The following PRLR variants were observed in gnomAD, a reference collection of about 807,000 sequenced individuals.
The protein encoded by PRLR is prolactin receptor.
In PRLR, 13 loss-of-function variants were observed where a neutral mutation model predicts 40.2. The observed-to-expected ratio is 0.32, with a 90% confidence interval of 0.21 to 0.51. The LOEUF is 0.51. Among genes scored for constraint, PRLR ranks in the 20% least tolerant of loss-of-function variants. PRLR has a pLI of 0.97. For synonymous variants in PRLR, 269 were observed against 278.7 expected (o/e 0.97, Z 0.35); for missense variants, 656 against 747.3 (o/e 0.88, Z 1.42).
chr5:35,207,614 T>TTGTGTGTG (rs142502829), intron 1 of PRLR, among the ~76,000 whole-genome samples: 174 of 146,968 alleles, frequency 1.2e-3, no homozygotes, highest in South Asian at 1.8e-3. Context: ...CAATGGGAGA[T>TTGTGTGTG]TGTGTGTGTG....
At chr5:35,177,208 G>A (rs944608967) in intron 1 of PRLR, among the ~76,000 whole-genome samples, 7 of 152,016 alleles carry the variant, frequency 4.6e-5, no homozygotes, top group East Asian at 3.9e-4. Context: ...AGAGGCTGGC[G>A]GGATCCTCCA....
chr5:35,216,059 GA>G (rs1050840592), intron 1 of PRLR, among the ~76,000 whole-genome samples: 47 of 144,678 alleles, frequency 3.2e-4, no homozygotes, highest in East Asian at 2.8e-3. Context: ...AAAGGGAAAA[GA>G]AAAAAAAAAG....
intron 1 of PRLR, among the ~76,000 whole-genome samples, chr5:35,159,430 T>G (rs558130779): frequency 1.3e-5 from 2 of 151,722 alleles, no homozygotes; most frequent in South Asian, 4.2e-4. Flanking sequence ...CTGCATCTGC[T>G]TATAACCCAG....
At chr5:35,176,185 A>C (rs750175437) in intron 1 of PRLR, among the ~76,000 whole-genome samples, 3 of 152,040 alleles carry the variant, frequency 2.0e-5, no homozygotes, top group Non-Finnish European at 2.9e-5. Flanking sequence ...TGACTCATTC[A>C]TCTCTTTGTT....
intron 2 of PRLR, among the ~76,000 whole-genome samples, chr5:35,097,670 T>C (rs114115015): frequency 0.013 from 1,920 of 152,264 alleles, 43 homozygotes; most frequent in African/African-American, 0.043. Context: ...CTCTTCCTAA[T>C]AATGGCTCAC....
chr5:35,159,925 T>G (rs758977797), intron 1 of PRLR, among the ~76,000 whole-genome samples: 31 of 152,196 alleles, frequency 2.0e-4, no homozygotes, highest in Admixed American at 1.3e-3. Flanking sequence ...TAGAATGACT[T>G]TTATTAAATA....
chr5:35,139,334 C>T (rs992549327), intron 1 of PRLR, among the ~76,000 whole-genome samples: 1 of 152,092 alleles, frequency 6.6e-6, no homozygotes, highest in African/African-American at 2.4e-5. Context: ...AGGGTTTCAC[C>T]ATGTTGGCCA....
At chr5:35,230,148 C>CG (rs905150058) in intron 1 of PRLR, 120 bp downstream of exon 1, 6 of 152,182 alleles carry the variant, frequency 3.9e-5, no homozygotes, top group African/African-American at 1.4e-4. Flanking sequence ...GAGCCCGCGC[C>CG]GGTGGCCCCG....
intron 7 of PRLR, 78 bp from the exon 8 acceptor site, chr5:35,068,956 T>TGGGTTTAAGAGTTTC: frequency 1.9e-6 from 2 of 1,075,482 alleles, no homozygotes; most frequent in African/African-American, 1.6e-5. Context: ...ATGAAACTCT[T>TGGGTTTAAGAGTTTC]AAACCCAAGA....
intron 2 of PRLR, among the ~76,000 whole-genome samples, chr5:35,112,545 G>C (rs1772726572): frequency 6.6e-6 from 1 of 152,122 alleles, no homozygotes. Flanking sequence ...TTCAAAGGCA[G>C]GTGGGCTAGG....
At chr5:35,089,829 C>G (rs890820351) in intron 2 of PRLR, among the ~76,000 whole-genome samples, 166 bp from the exon 3 acceptor site, 4 of 152,082 alleles carry the variant, frequency 2.6e-5, no homozygotes, top group Non-Finnish European at 5.9e-5. Flanking sequence ...GATGGCTTGG[C>G]ACAGAAACAT....
intron 2 of PRLR, among the ~76,000 whole-genome samples, chr5:35,097,997 C>T (rs889842189): frequency 6.6e-6 from 1 of 152,146 alleles, no homozygotes; most frequent in South Asian, 2.1e-4. Flanking sequence ...TAGATAGAGG[C>T]ATTGGGGGTG....
chr5:35,152,787 C>T (rs1774378574), intron 1 of PRLR: 1 of 152,114 alleles, frequency 6.6e-6, no homozygotes, highest in Admixed American at 6.5e-5. Flanking sequence ...AGGAACTAAC[C>T]ATCCTCTGAA....
At chr5:35,075,424 G>T (rs1046765009) in intron 5 of PRLR, among the ~76,000 whole-genome samples, 8 of 152,222 alleles carry the variant, frequency 5.3e-5, no homozygotes. Context: ...CCAAGCCCAT[G>T]GAGCCTTGCT....
At chr5:35,066,298 A>G (rs944827531) in intron 9 of PRLR, among the ~76,000 whole-genome samples, 196 bp from the exon 10 acceptor site, 1 of 151,640 alleles carries the variant, frequency 6.6e-6, no homozygotes, top group Non-Finnish European at 1.5e-5. Flanking sequence ...TCAACTCAGG[A>G]TATTTAACGT....
chr5:35,078,462 G>C (rs187360442), intron 5 of PRLR, among the ~76,000 whole-genome samples: 260 of 152,082 alleles, frequency 1.7e-3, no homozygotes, highest in African/African-American at 6.0e-3. Flanking sequence ...AGAAGAAATG[G>C]ATAAATTCCT....
At position 35,140,025 on chromosome 5, in the gene PRLR, A is replaced by G. The variant is rs953183601; in HGVS notation, c.-105-21903T>C. 2.6e-5 allele frequency among the ~76,000 whole-genome samples: 4 copies of G among 152,256 alleles called. No homozygotes were observed. In the East Asian group the frequency reaches 7.7e-4, roughly 29 times the overall value. On this transcript the variant is annotated intron_variant, in intron 1 of 9. Coordinates refer to ENST00000618457, the MANE Select transcript of PRLR (RefSeq NM_000949.7). ...TAAAAATGTAATTTTTTAAAGAATT[A>G]GAATTAACACATGAATTTTCCAATT...
At chr5:35,118,837 G>T (rs966890667) in intron 1 of PRLR, among the ~76,000 whole-genome samples, 1 of 151,752 alleles carries the variant, frequency 6.6e-6, no homozygotes, top group Admixed American at 6.6e-5. Flanking sequence ...CCAGGCTGGA[G>T]TGCAACGGCG....
At chr5:35,222,819 C>T (rs554344957) in intron 1 of PRLR, among the ~76,000 whole-genome samples, 1 of 152,244 alleles carries the variant, frequency 6.6e-6, no homozygotes, top group South Asian at 2.1e-4. Flanking sequence ...GTCTCCTGGC[C>T]CAAGGCAAGT....
Sources: gnomAD v4.1 joint callset for allele counts (sites outside exome capture counted in the v4.1 genomes callset) on GRCh38, gnomAD v4.1.1 for gene constraint, MANE v1.5 for transcripts, NCBI Gene and HGNC (gene_info 2026-07-23, HGNC 2026-07-21) for gene names.